The following RPH3A variants were observed in gnomAD, a reference collection of about 807,000 sequenced individuals.
RPH3A encodes rabphilin-3A.
Under a neutral mutation model 102.2 loss-of-function variants are expected in RPH3A, and 48 were observed. That is an observed-to-expected ratio of 0.47 (90% CI 0.37 to 0.60). The LOEUF (loss-of-function observed/expected upper bound fraction) is 0.60. RPH3A is among the 20% of genes least tolerant of loss of function. The pLI is 0.00. For missense variants in RPH3A, 781 were observed against 910.1 expected (o/e 0.86, Z 1.83); for synonymous variants, 310 against 324.3 (o/e 0.96, Z 0.47).
At chr12:112,867,634 A>G (rs2042634245) in intron 7 of RPH3A, among the ~76,000 whole-genome samples, 1 of 152,204 alleles carries the variant, frequency 6.6e-6, no homozygotes, top group African/African-American at 2.4e-5. Context: ...GAAGAGATAG[A>G]GGAGGGAATG....
Position 112,898,337 on chromosome 12 carries a change from T to C in RPH3A, c.*1557T>C. On this transcript the variant is annotated 3_prime_UTR_variant, in exon 22 of 22. Coordinates refer to ENST00000389385, the MANE Select transcript of RPH3A (RefSeq NM_001143854.2). ...CGATTTTCCCAATTTTGATGAAGTC[T>C]TCCCTCATGAAAATCACTCCCAGTC... 1 of 152,204 alleles carries C rather than the reference T, an allele frequency of 6.6e-6. No homozygotes were observed. Among genetic ancestry groups the C allele is most frequent in the Non-Finnish European group, 1.5e-5 (1 of 68,042 alleles). The allele number at this position is 152,204 out of a possible 1,614,324, so 9.4% of individuals were successfully genotyped here.
At chr12:112,734,319 G>C (rs1246751006) in intron 1 of RPH3A, among the ~76,000 whole-genome samples, 1 of 152,208 alleles carries the variant, frequency 6.6e-6, no homozygotes, top group Non-Finnish European at 1.5e-5. Context: ...TAACCTAAGT[G>C]TGTAGTCAGC....
intron 15 of RPH3A, among the ~76,000 whole-genome samples, chr12:112,882,315 C>A (rs2042928409): frequency 6.6e-6 from 1 of 152,138 alleles, no homozygotes; most frequent in African/African-American, 2.4e-5. Context: ...CTCAAGCTCA[C>A]CGGCTGAGCA....
chr12:112,895,891 C>T lies in RPH3A; in HGVS notation c.1954+18C>T, dbSNP rs770750678. ...TTACATCGGTGAGTGTTCCTAACTC[C>T]AGAGAAAACGCCCTCTTCTGTCCTC... On this transcript the variant is annotated intron_variant, in intron 21 of 21. Coordinates refer to ENST00000389385, the MANE Select transcript of RPH3A (RefSeq NM_001143854.2). 2 of 1,564,264 alleles carry T rather than the reference C, an allele frequency of 1.3e-6. No homozygotes were observed. Among genetic ancestry groups the T allele is most frequent in the Non-Finnish European group, 1.8e-6 (2 of 1,135,828 alleles).
chr12:112,845,578 C>G (rs551220277), intron 4 of RPH3A, among the ~76,000 whole-genome samples: 1 of 152,212 alleles, frequency 6.6e-6, no homozygotes, highest in Non-Finnish European at 1.5e-5. Flanking sequence ...AAGCTCTGCC[C>G]AATCTCTAGG....
At chr12:112,839,171 CAG>C (rs1280268523) in intron 4 of RPH3A, among the ~76,000 whole-genome samples, 1 of 152,016 alleles carries the variant, frequency 6.6e-6, no homozygotes, top group Non-Finnish European at 1.5e-5. Flanking sequence ...ATCTTTGAGG[CAG>C]ATAAGAGTGG....
chr12:112,896,864 T>G lies in RPH3A; in HGVS notation c.*84T>G. 2.7e-6 allele frequency: 4 copies of G among 1,480,460 alleles called. No individual in the cohort carries two copies. The highest frequency in any genetic ancestry group is 1.4e-5 in the African/African-American group (1 of 72,118). 91.7% of individuals were successfully genotyped at this position (1,480,460 alleles called of 1,614,324 possible). Reference sequence around the variant, plus strand: ...CCACCGCACCCTGATCTCTCTTCTCTATGCCTACCTCCCCCCATACCCTGC... The same window carrying G: ...CCACCGCACCCTGATCTCTCTTCTCGATGCCTACCTCCCCCCATACCCTGC... On this transcript the variant is annotated 3_prime_UTR_variant, in exon 22 of 22. Coordinates refer to ENST00000389385, the MANE Select transcript of RPH3A (RefSeq NM_001143854.2).
chr12:112,879,215 A>G lies in RPH3A; in HGVS notation c.1251+17A>G. The G allele has an allele frequency of 6.2e-7, 1 of 1,609,104 alleles. No homozygotes were observed. The highest frequency in any genetic ancestry group is 8.5e-7 in the Non-Finnish European group (1 of 1,176,248). Reference sequence around the variant, plus strand: ...AAGGCCAAGGTGGGTGATGGGGACCATGCAGGGAACCTCTCAGGATGCTCT... The same window carrying G: ...AAGGCCAAGGTGGGTGATGGGGACCGTGCAGGGAACCTCTCAGGATGCTCT... On this transcript the variant is annotated intron_variant, in intron 14 of 21. Coordinates refer to ENST00000389385, the MANE Select transcript of RPH3A (RefSeq NM_001143854.2).
intron 10 of RPH3A, chr12:112,874,870 A>G: frequency 1.9e-6 from 1 of 528,602 alleles, no homozygotes; most frequent in Non-Finnish European, 3.3e-6. Flanking sequence ...GTGCTTTTTA[A>G]CAACTGCTGC....
chr12:112,599,026 C>T (rs2039538656), intron 1 of RPH3A, among the ~76,000 whole-genome samples: 1 of 152,130 alleles, frequency 6.6e-6, no homozygotes, highest in African/African-American at 2.4e-5. Flanking sequence ...AGTAATTAAC[C>T]TCTTTGTTCC....
rs2042258534 is a variant in RPH3A, at chr12:112,847,955, C to T, written c.230+113C>T. On this transcript the variant is annotated intron_variant, in intron 5 of 21. Coordinates refer to ENST00000389385, the MANE Select transcript of RPH3A (RefSeq NM_001143854.2). ...TGTGCTGGGCTGCCTCTGGGCTTTG[C>T]CATTTGTGACTTACGGGGCCACCTC... 45 of 1,211,056 alleles carry T rather than the reference C, an allele frequency of 3.7e-5. 1 individual carries two copies. The South Asian group carries it at 6.3e-4, about 17-fold the overall frequency. The allele number at this position is 1,211,056 out of a possible 1,614,324, so 75.0% of individuals were successfully genotyped here.
chr12:112,681,498 T>A (rs533257248), intron 1 of RPH3A, among the ~76,000 whole-genome samples: 67 of 152,364 alleles, frequency 4.4e-4, no homozygotes, highest in African/African-American at 1.5e-3. Context: ...AGGAGAGTAA[T>A]ATGAGACTGG....
At chr12:112,734,274 A>G (rs1244480204) in intron 1 of RPH3A, among the ~76,000 whole-genome samples, 1 of 152,184 alleles carries the variant, frequency 6.6e-6, no homozygotes, top group Non-Finnish European at 1.5e-5. Context: ...CATGCTGTGC[A>G]GGTTTATAGC....
intron 1 of RPH3A, among the ~76,000 whole-genome samples, chr12:112,710,505 A>C (rs1351039343): frequency 6.6e-6 from 1 of 152,204 alleles, no homozygotes; most frequent in African/African-American, 2.4e-5. Flanking sequence ...CCCAGGCCAC[A>C]GCACTCTGGC....
At position 112,732,213 on chromosome 12, in the gene RPH3A, G is replaced by T. The variant is rs113770930; in HGVS notation, c.-139-59930G>T. Among the ~76,000 whole-genome samples the T allele has an allele frequency of 2.9e-3, 437 of 152,182 alleles. 1 individual carries two copies. The highest frequency in any genetic ancestry group is 4.3e-3 in the Non-Finnish European group (293 of 67,998). ...GCCCAAGGGAAAAGCTGGGTTCTGG[G>T]GTGTCAGGCCACTCTCTATTACCTT... On this transcript the variant is annotated intron_variant, in intron 1 of 21. Transcript: ENST00000543106.
intron 2 of RPH3A, among the ~76,000 whole-genome samples, chr12:112,801,636 C>T (rs189545978): frequency 2.6e-4 from 40 of 152,278 alleles, no homozygotes; most frequent in African/African-American, 8.2e-4. Flanking sequence ...CTGTTATTCA[C>T]GGAGGACTCT....
At chr12:112,715,555 G>A (rs1490736633) in intron 1 of RPH3A, among the ~76,000 whole-genome samples, 2 of 152,100 alleles carry the variant, frequency 1.3e-5, no homozygotes, top group African/African-American at 4.8e-5. Context: ...ATCAATGAAG[G>A]TCTTAGGATA....
chr12:112,631,578 G>A (rs1470750903), intron 1 of RPH3A, among the ~76,000 whole-genome samples: 1 of 151,990 alleles, frequency 6.6e-6, no homozygotes, highest in Non-Finnish European at 1.5e-5. Context: ...GCAGTGGTGT[G>A]AGCATGGCAT....
chr12:112,892,237 T>C (rs1444534630), intron 19 of RPH3A, among the ~76,000 whole-genome samples: 8 of 152,174 alleles, frequency 5.3e-5, no homozygotes, highest in Non-Finnish European at 1.2e-4. Flanking sequence ...AGTGTGCTCA[T>C]CTGCAAAATG....
Sources: allele counts gnomAD v4.1 joint callset (sites outside exome capture counted in the v4.1 genomes callset), GRCh38; gene constraint gnomAD v4.1.1; transcripts MANE v1.5; gene names NCBI Gene and HGNC (gene_info 2026-07-23, HGNC 2026-07-21).